KDM4C: variants seen among roughly 807,000 people sequenced by gnomAD.
The protein encoded by KDM4C is lysine demethylase 4C.
KDM4C carries 81 observed loss-of-function variants against 129.3 expected under a neutral mutation model. The ratio of observed to expected loss-of-function variants is 0.63; its 90% CI spans 0.52 to 0.75. KDM4C has a LOEUF of 0.75. Among genes scored for constraint, KDM4C ranks in the 30% least tolerant of loss-of-function variants. The probability of loss-of-function intolerance (pLI) is 0.00; values close to 1 mark genes in which losing one functional copy is unlikely to be tolerated. For missense variants in KDM4C, 1,457 were observed against 1,304.0 expected (o/e 1.12, Z -1.81); for synonymous variants, 573 against 456.1 (o/e 1.26, Z -3.26).
At chr9:6,786,184 T>C (rs1825452117) in intron 1 of KDM4C, among the ~76,000 whole-genome samples, 1 of 152,072 alleles carries the variant, frequency 6.6e-6, no homozygotes, top group Admixed American at 6.6e-5. Flanking sequence ...CAATGTTGGA[T>C]AGAGTATTAC....
chr9:6,864,818 T>C (rs1006141406), intron 5 of KDM4C, among the ~76,000 whole-genome samples: 1 of 151,448 alleles, frequency 6.6e-6, no homozygotes, highest in South Asian at 2.1e-4. Context: ...TCTTTTTTTT[T>C]AATTTATTTT....
chr9:6,868,123 T>A (rs1842332490), intron 5 of KDM4C, among the ~76,000 whole-genome samples: 1 of 151,950 alleles, frequency 6.6e-6, no homozygotes, highest in South Asian at 2.1e-4. Flanking sequence ...AAACCCTCCC[T>A]GGAGGCACCT....
chr9:6,759,512 T>G (rs1818958779), intron 1 of KDM4C, among the ~76,000 whole-genome samples: 1 of 152,172 alleles, frequency 6.6e-6, no homozygotes. Context: ...TTGTTCGGGT[T>G]TTTTAGGTGC....
At chr9:6,966,895 C>T (rs926093063) in intron 8 of KDM4C, among the ~76,000 whole-genome samples, 1 of 152,068 alleles carries the variant, frequency 6.6e-6, no homozygotes, top group Non-Finnish European at 1.5e-5. Flanking sequence ...GCAAAGACTG[C>T]TTAAATCACA....
At chr9:6,783,719 T>C (rs1425757126) in intron 1 of KDM4C, among the ~76,000 whole-genome samples, 1 of 152,186 alleles carries the variant, frequency 6.6e-6, no homozygotes, top group Non-Finnish European at 1.5e-5. Flanking sequence ...GAGAGGCTTT[T>C]CTGGTTTCAG....
At chr9:6,777,656 T>TA (rs1823370327) in intron 1 of KDM4C, among the ~76,000 whole-genome samples, 1 of 152,076 alleles carries the variant, frequency 6.6e-6, no homozygotes, top group African/African-American at 2.4e-5. Flanking sequence ...TTTTGAGACT[T>TA]AGTCTTGCTC....
intron 8 of KDM4C, among the ~76,000 whole-genome samples, chr9:6,916,354 GTT>G (rs113553834): frequency 6.9e-6 from 1 of 145,352 alleles, no homozygotes; most frequent in Non-Finnish European, 1.5e-5. Context: ...TTTAATGAGA[GTT>G]TTTTTTTTTT....
intron 8 of KDM4C, among the ~76,000 whole-genome samples, chr9:6,960,529 A>G (rs10975938): frequency 0.088 from 13,433 of 152,090 alleles, 1,534 homozygotes; most frequent in African/African-American, 0.26. Context: ...AAAATGCTGG[A>G]ATTACAGGCA....
At chr9:6,832,413 CTTTTTCTTT>C (rs1217405136) in intron 4 of KDM4C, among the ~76,000 whole-genome samples, 27 of 147,602 alleles carry the variant, frequency 1.8e-4, no homozygotes, top group African/African-American at 2.5e-4. Context: ...ATAGATTATT[CTTTTTCTTT>C]TTTTTCTTTT....
At chr9:7,069,834 A>C (rs150389031) in intron 17 of KDM4C, among the ~76,000 whole-genome samples, 8 of 152,352 alleles carry the variant, frequency 5.3e-5, no homozygotes, top group East Asian at 1.9e-4. Context: ...AGTGTGTGAC[A>C]ATTACAATGT....
In KDM4C at chr9:6,792,985, C is replaced by A; in HGVS notation, c.-4C>A. 1 of 1,614,128 alleles carries A rather than the reference C, an allele frequency of 6.2e-7. No homozygotes were observed. The highest frequency in any genetic ancestry group is 8.5e-7 in the Non-Finnish European group (1 of 1,180,012). ...TCTTCTCTCCAGACACTGCCCTAAC[C>A]ATCATGGAGGTGGCCGAGGTGGAAA... On this transcript the variant is annotated 5_prime_UTR_variant, in exon 2 of 22. Transcript: ENST00000381309.
intron 1 of KDM4C, chr9:6,734,758 T>A: frequency 2.7e-6 from 1 of 372,040 alleles, no homozygotes; most frequent in Middle Eastern, 9.3e-4. Flanking sequence ...TATATAAGCC[T>A]CTCACCTACT....
Position 7,165,350 on chromosome 9 carries a change from T to G in KDM4C, c.2894T>G (p.Met965Arg). 6.2e-7 allele frequency: 1 copy of G among 1,613,986 alleles called. No individual in the cohort carries two copies. The highest frequency in any genetic ancestry group is 8.5e-7 in the Non-Finnish European group (1 of 1,179,944). Residue 965 changes from methionine to arginine, a missense_variant, in exon 20 of 22, where the codon ATG becomes AGG. Coordinates refer to ENST00000381309, the MANE Select transcript of KDM4C (RefSeq NM_015061.6). ...TATTTTGGATCAAATATTGCCCACATGTACCAGGTGGGTTCTTCCTTCTCT... is the reference window on the plus strand; with the variant it reads ...TATTTTGGATCAAATATTGCCCACAGGTACCAGGTGGGTTCTTCCTTCTCT... ...AKYFGSNIAHMYQVEFEDGSQ... is the reference protein window; with the variant it reads ...AKYFGSNIAHRYQVEFEDGSQ...
intron 15 of KDM4C, among the ~76,000 whole-genome samples, chr9:7,036,988 T>C (rs1358463713): frequency 6.6e-6 from 1 of 152,230 alleles, no homozygotes; most frequent in East Asian, 1.9e-4. Flanking sequence ...AGGACACTTG[T>C]CATTCAATTA....
chr9:6,833,380 T>C (rs1397322913), intron 4 of KDM4C, among the ~76,000 whole-genome samples: 2 of 152,198 alleles, frequency 1.3e-5, no homozygotes, highest in Non-Finnish European at 2.9e-5. Context: ...CTGACTTTCC[T>C]AGATATTGGG....
At chr9:6,888,791 T>TGAC (rs1246648653) in intron 7 of KDM4C, among the ~76,000 whole-genome samples, 12 of 123,614 alleles carry the variant, frequency 9.7e-5, no homozygotes, top group East Asian at 2.2e-4. Flanking sequence ...GTTTTTTTTT[T>TGAC]TTTTTTTTTT....
intron 1 of KDM4C, among the ~76,000 whole-genome samples, chr9:6,785,432 G>A (rs1432227153): frequency 6.6e-6 from 1 of 152,036 alleles, no homozygotes; most frequent in African/African-American, 2.4e-5. Context: ...TGCCTCCCGG[G>A]TTCAAGCGAT....
At chr9:7,049,613 A>G (rs1829872294) in intron 17 of KDM4C, among the ~76,000 whole-genome samples, 1 of 152,116 alleles carries the variant, frequency 6.6e-6, no homozygotes, top group Admixed American at 6.6e-5. Context: ...CTCTTCACCA[A>G]GAAGAGACAC....
At chr9:6,889,250 T>TGTGG (rs1554627898) in intron 7 of KDM4C, among the ~76,000 whole-genome samples, 3 of 28,200 alleles carry the variant, frequency 1.1e-4, no homozygotes, top group Admixed American at 5.5e-4. Context: ...TGTGTGTGTG[T>TGTGG]GGGAGGGTGG....
Sources: allele counts gnomAD v4.1 joint callset (sites outside exome capture counted in the v4.1 genomes callset), GRCh38; gene constraint gnomAD v4.1.1; transcripts MANE v1.5; gene names NCBI Gene and HGNC (gene_info 2026-07-23, HGNC 2026-07-21).